The following SCARF1 variants were observed in gnomAD, a reference collection of about 807,000 sequenced individuals.
SCARF1 encodes acetyl LDL receptor.
SCARF1 carries 49 observed loss-of-function variants against 76.3 expected under a neutral mutation model. That is an observed-to-expected ratio of 0.64 (90% CI 0.51 to 0.81). The LOEUF is 0.81. SCARF1 is among the 40% of genes least tolerant of loss of function. The probability of loss-of-function intolerance (pLI) is 0.00; values close to 1 mark genes in which losing one functional copy is unlikely to be tolerated. For synonymous variants in SCARF1, 495 were observed against 474.6 expected (o/e 1.04, Z -0.56); for missense variants, 1,098 against 1,143.9 (o/e 0.96, Z 0.58).
At position 1,640,508 on chromosome 17, in the gene SCARF1, TC is replaced by T; in HGVS notation, c.949del (p.Glu317ArgfsTer50). 1.9e-6 allele frequency: 3 copies of T among 1,588,450 alleles called. No individual in the cohort carries two copies. The highest frequency in any genetic ancestry group is 2.3e-5 in the East Asian group (1 of 43,340). ...GTGGCCAGTATCTGGCTCACAGGCCTCCCCATGTCGGCAGTGAGGGCACTGC... is the reference window on the plus strand; with the variant it reads ...GTGGCCAGTATCTGGCTCACAGGCCTCCCATGTCGGCAGTGAGGGCACTGC... ...EQQCPHCRHG[E>X]ACEPDTGHCQ... On this transcript the variant is annotated frameshift_variant, in exon 5 of 11. Coordinates refer to ENST00000263071, the MANE Select transcript of SCARF1 (RefSeq NM_003693.4). LOFTEE classifies it high-confidence loss of function. The surrounding 1 kb of genome is among the most constrained non-coding windows in gnomAD (Gnocchi z 4.7).
chr17:1,638,484 G>T (rs921502922), intron 8 of SCARF1: 1 of 201,250 alleles, frequency 5.0e-6, no homozygotes, highest in Non-Finnish European at 1.0e-5. Flanking sequence ...CGCCAGCCTG[G>T]TGCCCATGCA....
chr17:1,640,605 C>G lies in SCARF1; in HGVS notation c.853G>C (p.Glu285Gln), dbSNP rs755642540. ...CACTGGGTCCCGTTCCAGCCCGGCTCGCAGGACTCACAGCTGCCTGTGTCT... is the reference window on the plus strand; with the variant it reads ...CACTGGGTCCCGTTCCAGCCCGGCTGGCAGGACTCACAGCTGCCTGTGTCT... The part of the protein sequence containing the change: ...SPDTGSCESC[E>Q]PGWNGTQCQQ... The change falls in exon 5 of 11, where the codon GAG becomes CAG. Residue 285 changes from glutamate (E) to glutamine (Q), a missense_variant. Coordinates refer to ENST00000263071, the MANE Select transcript of SCARF1 (RefSeq NM_003693.4). This position sits in a 1 kb window ranked among gnomAD's most constrained non-coding sequence, Gnocchi z 4.7. 1 of 1,612,296 alleles carries G rather than the reference C, an allele frequency of 6.2e-7. No individual in the cohort carries two copies. The highest frequency in any genetic ancestry group is 8.5e-7 in the Non-Finnish European group (1 of 1,179,700).
chr17:1,639,591 G>A, intron 7 of SCARF1, 48 bp downstream of exon 7: 1 of 1,367,640 alleles, frequency 7.3e-7, no homozygotes, highest in South Asian at 1.2e-5. Flanking sequence ...CATGTGAAGG[G>A]CCCGCCTTTC....
At position 1,640,016 on chromosome 17, in the gene SCARF1, A is replaced by G. The variant is rs200609897; in HGVS notation, c.1035T>C (p.Gly345=). Residue 345 remains glycine, a synonymous_variant, in exon 6 of 11, where the codon GGT becomes GGC. Transcript: ENST00000263071. This position sits in a 1 kb window ranked among gnomAD's most constrained non-coding sequence, Gnocchi z 4.7. ...GPRCEDPCPT[G]TFGEDCGSTC... ...TAGAGCCACAGTCTTCCCCAAAGGT[A>G]CCAGTGGGGCAGGGGTCTTCACACC... The G allele has an allele frequency of 1.9e-6, 3 of 1,613,832 alleles. No homozygotes were observed. The highest frequency in any genetic ancestry group is 2.5e-6 in the Non-Finnish European group (3 of 1,179,992).
At position 1,643,795 on chromosome 17, in the gene SCARF1, G is replaced by T. The variant is rs371634000; in HGVS notation, c.438C>A (p.Gly146=). Residue 146 remains glycine, a synonymous_variant, in exon 4 of 11, where the codon GGC becomes GGA. Coordinates refer to ENST00000263071, the MANE Select transcript of SCARF1 (RefSeq NM_003693.4). The part of the protein sequence containing the change: ...GPHGRCDPAT[G]VCHCEPGWWS... ...ACCAGCCGGGTTCGCAGTGGCACAC[G>T]CCGGTCGCGGGGTCGCAGCGCCCGT... is the stretch of plus-strand genomic sequence containing the variant. 3.2e-6 allele frequency: 4 copies of T among 1,267,988 alleles called. No individual in the cohort carries two copies. The highest frequency in any genetic ancestry group is 4.0e-6 in the Non-Finnish European group (4 of 1,010,196). The allele number at this position is 1,267,988 out of a possible 1,614,324, so 78.5% of individuals were successfully genotyped here.
In SCARF1 at chr17:1,634,313, C is replaced by A; in HGVS notation, c.*445G>T. Reference sequence around the variant, plus strand: ...CTGAGGCAGGAGAAGGGCGTGAACCCGGGAGGCAGAGCTTGCAGTGAGCCG... The same window carrying A: ...CTGAGGCAGGAGAAGGGCGTGAACCAGGGAGGCAGAGCTTGCAGTGAGCCG... On this transcript the variant is annotated 3_prime_UTR_variant, in exon 11 of 11. Coordinates refer to ENST00000263071, the MANE Select transcript of SCARF1 (RefSeq NM_003693.4). 1 of 263,072 alleles carries A rather than the reference C, an allele frequency of 3.8e-6. No individual in the cohort carries two copies. Among genetic ancestry groups the A allele is most frequent in the Non-Finnish European group, 7.0e-6 (1 of 142,038 alleles). The allele number at this position is 263,072 out of a possible 1,614,324, so 16.3% of individuals were successfully genotyped here.
Position 1,636,923 on chromosome 17 carries a change from C to T in SCARF1, c.1486+18G>A, listed in dbSNP as rs770473629. On this transcript the variant is annotated intron_variant, in intron 9 of 10. Coordinates refer to ENST00000263071, the MANE Select transcript of SCARF1 (RefSeq NM_003693.4). ...AGCCCTGTCCAATCCCAGACCCCGGCCCCCAGCGCCCACTGACCTGTCACC... is the reference window on the plus strand; with the variant it reads ...AGCCCTGTCCAATCCCAGACCCCGGTCCCCAGCGCCCACTGACCTGTCACC... The T allele has an allele frequency of 6.2e-7, 1 of 1,613,912 alleles. No homozygotes were observed. The highest frequency in any genetic ancestry group is 8.5e-7 in the Non-Finnish European group (1 of 1,179,980).
rs747651795 is a variant in SCARF1, at chr17:1,634,972, G to C, written c.2279C>G (p.Ala760Gly). 2.4e-5 allele frequency: 38 copies of C among 1,613,276 alleles called. No individual in the cohort carries two copies. Among genetic ancestry groups the C allele is most frequent in the Non-Finnish European group, 3.1e-5 (37 of 1,179,648 alleles). The change falls in exon 11 of 11, where the codon GCT becomes GGT. Residue 760 changes from alanine to glycine, a missense_variant. By Grantham distance (60) the Ala-to-Gly change is moderately conservative. Transcript: ENST00000263071. ...VGQSPNSAPK[A>G]GLPGATGPMA... ...AGGCCCTGTGGCCCCAGGAAGCCCA[G>C]CTTTTGGGGCTGAGTTGGGGCTCTG...
chr17:1,635,584 T>C lies in SCARF1; in HGVS notation c.1667A>G (p.Glu556Gly). 6.2e-7 allele frequency: 1 copy of C among 1,606,024 alleles called. No homozygotes were observed. The highest frequency in any genetic ancestry group is 2.2e-5 in the East Asian group (1 of 44,864). Residue 556 changes from glutamate to glycine, a missense_variant, in exon 11 of 11, where the codon GAG becomes GGG. Physicochemically the swap from Glu to Gly is moderately conservative, Grantham distance 98. Coordinates refer to ENST00000263071, the MANE Select transcript of SCARF1 (RefSeq NM_003693.4). ...GAAAGCACCTGCAGCCAGGCTGGCC[T>C]CTGACGACCCTGCCTGGGCCACAGG... Reference protein sequence around the residue: ...MVPVAQAGSSEASLAAGAFPP... With the variant: ...MVPVAQAGSSGASLAAGAFPP...
chr17:1,635,573 C>T lies in SCARF1; in HGVS notation c.1678G>A (p.Ala560Thr). ...AQAGSSEASL[A>T]AGAFPPPEDA... Reference sequence around the variant, plus strand: ...TCAGGGGGCGGGAAAGCACCTGCAGCCAGGCTGGCCTCTGACGACCCTGCC... The same window carrying T: ...TCAGGGGGCGGGAAAGCACCTGCAGTCAGGCTGGCCTCTGACGACCCTGCC... The change falls in exon 11 of 11, where the codon GCT (alanine) becomes ACT (threonine). Residue 560 changes from alanine to threonine, a missense_variant. Physicochemically the swap from Ala to Thr is moderately conservative, Grantham distance 58 (BLOSUM62 0). Transcript: ENST00000263071. The T allele has an allele frequency of 1.9e-6, 3 of 1,608,234 alleles. No individual in the cohort carries two copies. The highest frequency in any genetic ancestry group is 2.5e-6 in the Non-Finnish European group (3 of 1,179,904).
intron 4 of SCARF1, chr17:1,643,240 C>T (rs1279599576): frequency 7.1e-5 from 5 of 70,214 alleles, no homozygotes; most frequent in Non-Finnish European, 1.0e-4. Context: ...CCGCCCCCTC[C>T]CCGCCCACCG....
Position 1,634,801 on chromosome 17 carries a change from T to C in SCARF1, c.2450A>G (p.Glu817Gly). Residue 817 changes from glutamate to glycine, a missense_variant, in exon 11 of 11, where the codon GAG (glutamate) becomes GGG (glycine). Coordinates refer to ENST00000263071, the MANE Select transcript of SCARF1 (RefSeq NM_003693.4). ...GGAGATGGGTACAACATTCTCATAC[T>C]CAGGTTCCTCCTGCCTTTCCTCTTC... ...QAEEERQEEP[E>G]YENVVPISRP... 1 of 1,610,922 alleles carries C rather than the reference T, an allele frequency of 6.2e-7. No homozygotes were observed. Among genetic ancestry groups the C allele is most frequent in the Non-Finnish European group, 8.5e-7 (1 of 1,178,544 alleles).
Position 1,644,944 on chromosome 17 carries a change from C to T in SCARF1, c.164-9G>A, listed in dbSNP as rs759335988. ...CGGCCCCTCACAGATGGCTGAAAGACACCCCACCCAGGTTGGAAAGACGGG... is the reference window on the plus strand; with the variant it reads ...CGGCCCCTCACAGATGGCTGAAAGATACCCCACCCAGGTTGGAAAGACGGG... On this transcript the variant is annotated splice_polypyrimidine_tract_variant and intron_variant, in intron 2 of 10. Transcript: ENST00000263071. The surrounding 1 kb of genome is among the most constrained non-coding windows in gnomAD (Gnocchi z 4.8). 11 of 1,611,788 alleles carry T rather than the reference C, an allele frequency of 6.8e-6. No individual in the cohort carries two copies. In the South Asian group the frequency reaches 7.7e-5, roughly 11 times the overall value.
At position 1,638,901 on chromosome 17, in the gene SCARF1, G is replaced by T; in HGVS notation, c.1269C>A (p.Leu423=). Residue 423 remains leucine, a synonymous_variant, in exon 8 of 11, where the codon CTC becomes CTA. Transcript: ENST00000263071. Reference sequence around the variant, plus strand: ...GCAGAGGCACAAGGCTGCCCGCGATGAGGGCAGTGTCCCGACTGCCAGAGC... The same window carrying T: ...GCAGAGGCACAAGGCTGCCCGCGATTAGGGCAGTGTCCCGACTGCCAGAGC... ...QPGSGSRDTA[L]IAGSLVPLLL... The T allele has an allele frequency of 6.2e-7, 1 of 1,607,422 alleles. No homozygotes were observed. The highest frequency in any genetic ancestry group is 8.5e-7 in the Non-Finnish European group (1 of 1,176,176).
Position 1,643,618 on chromosome 17 carries a change from G to T in SCARF1, c.615C>A (p.Ser205=). The change falls in exon 4 of 11, where the codon TCC becomes TCA. Residue 205 remains serine, a synonymous_variant. Coordinates refer to ENST00000263071, the MANE Select transcript of SCARF1 (RefSeq NM_003693.4). ...NCHGSPCEQD[S]GRCACRPGWW... ...AGCCCGGCCGGCAGGCGCAGCGGCC[G>T]GAGTCCTGCTCGCACGGGGAGCCGT... is the stretch of plus-strand genomic sequence containing the variant. 6.8e-7 allele frequency: 1 copy of T among 1,473,892 alleles called. No homozygotes were observed. Among genetic ancestry groups the T allele is most frequent in the Non-Finnish European group, 8.9e-7 (1 of 1,120,196 alleles). The allele number at this position is 1,473,892 out of a possible 1,614,324, so 91.3% of individuals were successfully genotyped here.
rs1042065800 is a variant in SCARF1, at chr17:1,643,924, G to A, written c.309C>T (p.Cys103=). Residue 103 remains cysteine, a synonymous_variant, in exon 4 of 11, where the codon TGC becomes TGT. Coordinates refer to ENST00000263071, the MANE Select transcript of SCARF1 (RefSeq NM_003693.4). ...CGCACTGGCCGTGCGGGTGGCAGGG[G>A]CAGCTCTCACGGCAGTCGGGGCCCC... ...QYWGPDCRES[C]PCHPHGQCEP... is the part of the protein sequence containing the mutation. 1 of 1,353,016 alleles carries A rather than the reference G, an allele frequency of 7.4e-7. No homozygotes were observed. Among genetic ancestry groups the A allele is most frequent in the Non-Finnish European group, 9.5e-7 (1 of 1,055,296 alleles). The allele number at this position is 1,353,016 out of a possible 1,614,324, so 83.8% of individuals were successfully genotyped here. A position where few individuals can be genotyped will look rare whatever the true frequency, so the allele number is the denominator to read the frequency against.
rs774642491 is a variant in SCARF1, at chr17:1,637,043, T to G, written c.1384A>C (p.Thr462Pro). 1.9e-6 allele frequency: 3 copies of G among 1,613,984 alleles called. No individual in the cohort carries two copies. The South Asian group carries it at 3.3e-5, about 18-fold the overall frequency. The part of the protein sequence containing the change: ...LKDRPARDGA[T>P]VSRMKLQVWG... Reference sequence around the variant, plus strand: ...ACCTGCAGCTTCATCCTGGACACGGTAGCTCCATCTCTCGCTGGCCTGAGG... The same window carrying G: ...ACCTGCAGCTTCATCCTGGACACGGGAGCTCCATCTCTCGCTGGCCTGAGG... Residue 462 changes from threonine (T) to proline (P), a missense_variant, in exon 9 of 11, where the codon ACC becomes CCC. Physicochemically the swap from Thr to Pro is conservative, Grantham distance 38. Transcript: ENST00000263071.
chr17:1,639,334 T>C (rs1472079251), intron 7 of SCARF1, among the ~76,000 whole-genome samples: 3 of 152,124 alleles, frequency 2.0e-5, no homozygotes, highest in East Asian at 1.9e-4. Context: ...GGTGAAACCC[T>C]GTCTCTACTA....
Position 1,638,924 on chromosome 17 carries a change from A to C in SCARF1, c.1246T>G (p.Ser416Ala). Residue 416 changes from serine to alanine, a missense_variant and splice_region_variant, in exon 8 of 11, where the codon TCT becomes GCT. Transcript: ENST00000263071. ...HPVSGSCQPGSGSRDTALIAG... is the reference protein window; with the variant it reads ...HPVSGSCQPGAGSRDTALIAG... The stretch of plus-strand genomic sequence containing the variant: ...ATGAGGGCAGTGTCCCGACTGCCAG[A>C]GCCTGGGGGAGCCAGAAACGGGGGA... The C allele has an allele frequency of 3.2e-6, 5 of 1,584,484 alleles. No individual in the cohort carries two copies. Among genetic ancestry groups the C allele is most frequent in the Non-Finnish European group, 3.4e-6 (4 of 1,161,820 alleles).
Sources: gnomAD v4.1 joint callset for allele counts (sites outside exome capture counted in the v4.1 genomes callset) on GRCh38, gnomAD v4.1.1 for gene constraint, Gnocchi (gnomAD v3.1) non-coding constraint, MANE v1.5 for transcripts, NCBI Gene and HGNC (gene_info 2026-07-23, HGNC 2026-07-21) for gene names.